Variants in TMEM232 observed in about 807,000 individuals in gnomAD.
TMEM232 encodes the protein transmembrane protein 232.
Under a neutral mutation model 78.8 loss-of-function variants are expected in TMEM232, and 80 were observed. The observed-to-expected ratio is 1.01, with a 90% CI of 0.85 to 1.22. The LOEUF (loss-of-function observed/expected upper bound fraction) is 1.22, where lower values mean the gene tolerates loss of function less well. Ranked by LOEUF, TMEM232 falls within the 50% of genes most tolerant of loss-of-function variation. TMEM232 has a pLI of 0.00. For missense variants in TMEM232, 881 were observed against 742.2 expected (o/e 1.19, Z -2.17); for synonymous variants, 297 against 254.3 (o/e 1.17, Z -1.60).
chr5:110,692,841 G>A (rs867212976), intron 1 of TMEM232, among the ~76,000 whole-genome samples: 2 of 152,236 alleles, frequency 1.3e-5, no homozygotes, highest in Non-Finnish European at 2.9e-5. Context: ...GCTCAAGGAG[G>A]CTGGCCTGCC....
At chr5:110,542,506 C>G (rs765558531) in intron 11 of TMEM232, among the ~76,000 whole-genome samples, 1 of 152,076 alleles carries the variant, frequency 6.6e-6, no homozygotes, top group Non-Finnish European at 1.5e-5. Flanking sequence ...AAGAAGCTAC[C>G]CTGTCTTCAT....
rs147021295 is a variant in TMEM232, at chr5:110,656,563, G to A, written c.125+10665C>T. Among the ~76,000 whole-genome samples, 16 of 152,338 alleles carry A rather than the reference G, an allele frequency of 1.1e-4. 1 individual carries two copies. The East Asian group carries it at 2.7e-3, about 26-fold the overall frequency. On this transcript the variant is annotated intron_variant, in intron 2 of 13. Transcript: ENST00000455884. The stretch of plus-strand genomic sequence containing the variant: ...TAAATACAAAAAGAAAGTCAGGCCA[G>A]GCACAGTGGCTCACGCCTATAATCC...
At chr5:110,546,060 AG>A (rs1284856029) in intron 11 of TMEM232, among the ~76,000 whole-genome samples, 1 of 152,126 alleles carries the variant, frequency 6.6e-6, no homozygotes, top group Non-Finnish European at 1.5e-5. Flanking sequence ...TGTCACATGA[AG>A]GGCTCATATT....
intron 1 of TMEM232, among the ~76,000 whole-genome samples, chr5:110,694,527 A>T (rs1794529148): frequency 6.6e-6 from 1 of 152,228 alleles, no homozygotes; most frequent in Non-Finnish European, 1.5e-5. Flanking sequence ...ATAAAGAGTC[A>T]AGACCCATCA....
chr5:110,680,290 G>A (rs899207052), intron 1 of TMEM232, among the ~76,000 whole-genome samples: 1 of 151,656 alleles, frequency 6.6e-6, no homozygotes, highest in East Asian at 1.9e-4. Flanking sequence ...CCAGCTACTC[G>A]GGAGGCTGAG....
chr5:110,654,831 C>T (rs6594467), intron 2 of TMEM232, among the ~76,000 whole-genome samples: 148,219 of 152,232 alleles, frequency 0.97, 72,246 homozygotes, highest in Non-Finnish European at 1. Context: ...CATTGAGCAG[C>T]GGTTTGTAGT....
rs544262553 is a variant in TMEM232 at position 110,444,959 on chromosome 5, T to A, written c.1704-20043A>T. ...TTGCTGGGAAATTTCTTCAATTTTA[T>A]CTTCTAAACCTTCTGCTGAATTTTC... On this transcript the variant is annotated intron_variant, in intron 12 of 13. Transcript: ENST00000455884. 2.0e-5 allele frequency among the ~76,000 whole-genome samples: 3 copies of A among 152,222 alleles called. No individual in the cohort carries two copies. In the South Asian group the frequency reaches 6.2e-4, roughly 32 times the overall value.
At chr5:110,640,801 C>T in intron 4 of TMEM232, 90 bp downstream of exon 4, 1 of 908,880 alleles carries the variant, frequency 1.1e-6, no homozygotes, top group Non-Finnish European at 1.5e-6. Context: ...GTCTTCTGCA[C>T]AATTTTTAAA....
intron 7 of TMEM232, 24 bp downstream of exon 7, chr5:110,625,243 T>C (rs1335325612): frequency 1.3e-6 from 2 of 1,493,208 alleles, no homozygotes; most frequent in Non-Finnish European, 1.8e-6. Context: ...CAACAGGATA[T>C]ACCCACCATA....
chr5:110,411,163 G>T (rs184954979), intron 2 of TMEM232, among the ~76,000 whole-genome samples: 2 of 152,214 alleles, frequency 1.3e-5, no homozygotes, highest in African/African-American at 4.8e-5. Flanking sequence ...TGCTGTAGGG[G>T]CAGCTTATCT....
chr5:110,538,378 T>C (rs551354220), intron 11 of TMEM232, among the ~76,000 whole-genome samples: 86 of 152,110 alleles, frequency 5.7e-4, no homozygotes, highest in African/African-American at 2.0e-3. Context: ...AATTGTGACC[T>C]GGAGGAAGGA....
chr5:110,711,044 A>G (rs1244766613), intron 1 of TMEM232, among the ~76,000 whole-genome samples: 1 of 152,232 alleles, frequency 6.6e-6, no homozygotes, highest in East Asian at 1.9e-4. Context: ...AACGATTAGA[A>G]CTGACGAACA....
In TMEM232 at chr5:110,667,300, G is replaced by T. The variant is rs1385768756; in HGVS notation, c.53C>A (p.Ser18Tyr). ...CCAGAGCTCTTCATGATAAGGGGAAGATATGCCTCCACATGTATTAATCAT... is the reference window on the plus strand; with the variant it reads ...CCAGAGCTCTTCATGATAAGGGGAATATATGCCTCCACATGTATTAATCAT... The part of the protein sequence containing the change: ...SPMINTCGGI[S>Y]SPYHEELWKL... Residue 18 changes from serine (S) to tyrosine (Y), a missense_variant, in exon 2 of 14, where the codon TCT (serine) becomes TAT (tyrosine). Physicochemically the swap from Ser to Tyr is moderately radical, Grantham distance 144. Coordinates refer to ENST00000455884, the MANE Select transcript of TMEM232 (RefSeq NM_001039763.4). 1.3e-6 allele frequency: 2 copies of T among 1,542,628 alleles called. No homozygotes were observed. The highest frequency in any genetic ancestry group is 1.8e-6 in the Non-Finnish European group (2 of 1,140,614).
intron 8 of TMEM232, among the ~76,000 whole-genome samples, chr5:110,607,278 G>T (rs1417052859): frequency 6.6e-6 from 1 of 151,558 alleles, no homozygotes; most frequent in Non-Finnish European, 1.5e-5. Context: ...TAGGTCAGAG[G>T]GACTTGTCCA....
chr5:110,393,679 G>T (rs1432698371), intron 3 of TMEM232, among the ~76,000 whole-genome samples: 4 of 152,084 alleles, frequency 2.6e-5, no homozygotes, highest in African/African-American at 9.7e-5. Flanking sequence ...AAAATAGGCT[G>T]GGTGCAGTGG....
intron 1 of TMEM232, among the ~76,000 whole-genome samples, chr5:110,712,180 T>C (rs1395197331): frequency 1.3e-5 from 2 of 150,558 alleles, no homozygotes; most frequent in African/African-American, 4.9e-5. Flanking sequence ...CTCCAGGACA[T>C]TGGTCTGGGC....
intron 12 of TMEM232, among the ~76,000 whole-genome samples, chr5:110,467,450 T>G (rs2149367036): frequency 6.6e-6 from 1 of 152,326 alleles, no homozygotes; most frequent in Non-Finnish European, 1.5e-5. Flanking sequence ...GAAGAGTTCT[T>G]TCAAATTCTA....
At chr5:110,670,270 T>C (rs377033492) in intron 1 of TMEM232, among the ~76,000 whole-genome samples, 8 of 152,066 alleles carry the variant, frequency 5.3e-5, no homozygotes, top group Non-Finnish European at 1.5e-5. Context: ...AGCTGATAAG[T>C]AACTTCAGCA....
intron 12 of TMEM232, among the ~76,000 whole-genome samples, chr5:110,434,298 C>A (rs772786206): frequency 2.0e-5 from 3 of 151,284 alleles, no homozygotes; most frequent in Non-Finnish European, 4.4e-5. Flanking sequence ...TGCAACTGAT[C>A]CCACAGAAAC....
Sources: gnomAD v4.1 joint callset for allele counts (sites outside exome capture counted in the v4.1 genomes callset) on GRCh38, gnomAD v4.1.1 for gene constraint, MANE v1.5 for transcripts, NCBI Gene and HGNC (gene_info 2026-07-23, HGNC 2026-07-21) for gene names.